Variants in RAD51B observed in about 807,000 individuals in gnomAD.
RAD51B encodes RAD51 paralog B.
Under a neutral mutation model 42.2 loss-of-function variants are expected in RAD51B, and 38 were observed. The ratio of observed to expected loss-of-function variants is 0.90; its 90% CI spans 0.70 to 1.18. RAD51B has a LOEUF of 1.18. Among genes scored for constraint, RAD51B ranks in the 50% most tolerant of loss-of-function variants. The pLI, the probability that RAD51B is intolerant of heterozygous loss-of-function variation, is 0.00. For missense variants in RAD51B, 373 were observed against 400.7 expected (o/e 0.93, Z 0.59); for synonymous variants, 154 against 145.2 (o/e 1.06, Z -0.43).
intron 10 of RAD51B, among the ~76,000 whole-genome samples, chr14:68,618,950 C>G (rs533066493): frequency 6.6e-6 from 1 of 152,220 alleles, no homozygotes; most frequent in Admixed American, 6.5e-5. Flanking sequence ...ACAGATATAG[C>G]CTGGTCAGTG....
intron 7 of RAD51B, among the ~76,000 whole-genome samples, chr14:68,240,569 G>A (rs746854560): frequency 6.6e-5 from 10 of 152,284 alleles, no homozygotes; most frequent in South Asian, 6.2e-4. Flanking sequence ...AAGATAAAGC[G>A]TCCAGAGTAC....
intron 10 of RAD51B, among the ~76,000 whole-genome samples, chr14:68,583,011 G>T (rs1890280962): frequency 6.6e-6 from 1 of 152,146 alleles, no homozygotes; most frequent in Non-Finnish European, 1.5e-5. Context: ...GGGCTAGGGG[G>T]CTAGGGGAGG....
At chr14:68,281,962 T>G (rs2081326707) in intron 7 of RAD51B, among the ~76,000 whole-genome samples, 1 of 151,902 alleles carries the variant, frequency 6.6e-6, no homozygotes, top group Admixed American at 6.6e-5. Context: ...GTGATCTGCC[T>G]TTGGCCAGGA....
intron 5 of RAD51B, among the ~76,000 whole-genome samples, chr14:67,872,865 CT>C (rs1349090387): frequency 1.3e-5 from 2 of 152,026 alleles, no homozygotes; most frequent in African/African-American, 4.8e-5. Context: ...ATAAATGGTG[CT>C]GGGAAAACTG....
At chr14:68,342,132 A>G (rs1282654889) in intron 8 of RAD51B, among the ~76,000 whole-genome samples, 1 of 152,212 alleles carries the variant, frequency 6.6e-6, no homozygotes, top group Non-Finnish European at 1.5e-5. Context: ...CTAGAGGCCT[A>G]TCTTACAGAA....
chr14:68,625,873 G>A (rs1566958557), intron 10 of RAD51B, among the ~76,000 whole-genome samples: 2 of 152,172 alleles, frequency 1.3e-5, no homozygotes, highest in African/African-American at 4.8e-5. Context: ...CTAAGCAGGA[G>A]GTTAGCAACT....
At chr14:68,115,542 T>TAAAAAAA (rs368351598) in intron 7 of RAD51B, among the ~76,000 whole-genome samples, 6 of 67,992 alleles carry the variant, frequency 8.8e-5, no homozygotes, top group Admixed American at 1.7e-4. Flanking sequence ...ACTTAAAGTA[T>TAAAAAAA]AAAAAAAAAA....
intron 10 of RAD51B, among the ~76,000 whole-genome samples, chr14:68,573,166 C>G (rs1889795610): frequency 6.6e-6 from 1 of 152,196 alleles, no homozygotes; most frequent in South Asian, 2.1e-4. Flanking sequence ...TCAGAGCCTT[C>G]CAGCAGTTCT....
At chr14:68,613,604 C>T (rs1439527160), downstream of RAD51B, among the ~76,000 whole-genome samples, 1 of 152,004 alleles carries the variant, frequency 6.6e-6, no homozygotes, top group Non-Finnish European at 1.5e-5. Context: ...CAGGAGCCCA[C>T]CACCACACCC....
At chr14:67,968,064 C>T (rs193025079) in intron 7 of RAD51B, among the ~76,000 whole-genome samples, 56 of 152,360 alleles carry the variant, frequency 3.7e-4, no homozygotes, top group Non-Finnish European at 5.7e-4. Context: ...AACACCACAT[C>T]GAAGCTACCA....
At chr14:68,245,675 C>T (rs1458593558) in intron 7 of RAD51B, among the ~76,000 whole-genome samples, 1 of 152,222 alleles carries the variant, frequency 6.6e-6, no homozygotes, top group African/African-American at 2.4e-5. Flanking sequence ...AGGCGAATTC[C>T]TGCTCTCACA....
Position 67,992,407 on chromosome 14 carries a change from G to A in RAD51B, c.756+105203G>A, listed in dbSNP as rs149408569. 3.1e-3 allele frequency among the ~76,000 whole-genome samples: 467 copies of A among 152,294 alleles called. 4 individuals are homozygous for A. The highest frequency in any genetic ancestry group is 0.01 in the African/African-American group (418 of 41,558). Reference sequence around the variant, plus strand: ...AGCTGTCTAAAAAATGAAATAGACTGTGCTGGGAGTTAAGTAGTGAATTTT... The same window carrying A: ...AGCTGTCTAAAAAATGAAATAGACTATGCTGGGAGTTAAGTAGTGAATTTT... On this transcript the variant is annotated intron_variant, in intron 7 of 10. Transcript: ENST00000471583.
At chr14:68,450,297 C>A (rs2085525382) in intron 9 of RAD51B, among the ~76,000 whole-genome samples, 1 of 146,210 alleles carries the variant, frequency 6.8e-6, no homozygotes, top group Non-Finnish European at 1.5e-5. Flanking sequence ...CTGCTCACTG[C>A]AACGTCCACC....
At chr14:68,637,089 T>C (rs1187755065) in intron 10 of RAD51B, among the ~76,000 whole-genome samples, 3 of 146,956 alleles carry the variant, frequency 2.0e-5, no homozygotes, top group African/African-American at 8.1e-5. Context: ...CTTAACAAAC[T>C]TTTTTTTTCA....
intron 3 of RAD51B, 88 bp downstream of exon 3, chr14:67,825,665 T>C: frequency 1.1e-6 from 1 of 895,274 alleles, no homozygotes. Context: ...CATGCAGAAA[T>C]AGAGATGAGT....
At chr14:68,206,506 A>G (rs917554250) in intron 7 of RAD51B, among the ~76,000 whole-genome samples, 1 of 152,138 alleles carries the variant, frequency 6.6e-6, no homozygotes, top group African/African-American at 2.4e-5. Flanking sequence ...GACATTTTCT[A>G]ATAAGCAGGA....
chr14:68,100,874 T>C (rs1329410098), intron 7 of RAD51B, among the ~76,000 whole-genome samples: 2 of 152,190 alleles, frequency 1.3e-5, no homozygotes, highest in African/African-American at 4.8e-5. Context: ...CTGACCACAC[T>C]ATTAGTCTGT....
chr14:67,855,461 G>C (rs925140486), intron 4 of RAD51B, among the ~76,000 whole-genome samples: 5 of 146,542 alleles, frequency 3.4e-5, no homozygotes, highest in African/African-American at 7.6e-5. Flanking sequence ...AGGATGGTCT[G>C]GATCTCCTGA....
intron 7 of RAD51B, among the ~76,000 whole-genome samples, chr14:67,892,506 A>G (rs556546368): frequency 1.3e-5 from 2 of 152,290 alleles, no homozygotes; most frequent in Non-Finnish European, 2.9e-5. Context: ...TTCAGCTAGC[A>G]TGGGTTACTC....
Sources: allele counts gnomAD v4.1 joint callset (sites outside exome capture counted in the v4.1 genomes callset), GRCh38; gene constraint gnomAD v4.1.1; transcripts MANE v1.5; gene names NCBI Gene and HGNC (gene_info 2026-07-23, HGNC 2026-07-21).